Variants in MUC13 observed in about 807,000 individuals in gnomAD.
The protein encoded by MUC13 is mucin-13.
In MUC13, 32 loss-of-function variants were observed where a neutral mutation model predicts 48.3. The ratio of observed to expected loss-of-function variants is 0.66; its 90% CI spans 0.50 to 0.89. The LOEUF is 0.89. Among genes scored for constraint, MUC13 ranks in the 40% least tolerant of loss-of-function variants. The probability of loss-of-function intolerance (pLI) is 0.00; values close to 1 mark genes in which losing one functional copy is unlikely to be tolerated. For synonymous variants in MUC13, 199 were observed against 224.9 expected, an observed-to-expected ratio of 0.88 and a Z score of 1.03; for missense variants, 571 against 622.8, an observed-to-expected ratio of 0.92 and a Z score of 0.88.
chr3:124,926,184 T>C (rs1935684202), intron 2 of MUC13, among the ~76,000 whole-genome samples: 1 of 152,178 alleles, frequency 6.6e-6, no homozygotes, highest in South Asian at 2.1e-4. Flanking sequence ...ACAGACTCAT[T>C]AACTTGTTTC....
chr3:124,921,415 T>C (rs920175676), intron 4 of MUC13, among the ~76,000 whole-genome samples: 1 of 152,130 alleles, frequency 6.6e-6, no homozygotes, highest in Non-Finnish European at 1.5e-5. Flanking sequence ...CCTCCCAAAG[T>C]GCTAGGATTA....
At chr3:124,932,292 G>C (rs1052467400) in intron 1 of MUC13, among the ~76,000 whole-genome samples, 2 of 152,068 alleles carry the variant, frequency 1.3e-5, no homozygotes, top group African/African-American at 2.4e-5. Flanking sequence ...CAGGCTGGGC[G>C]TGGTGGCTCA....
chr3:124,912,083 T>C (rs755288202), intron 9 of MUC13, 21 bp downstream of exon 9: 2 of 1,610,792 alleles, frequency 1.2e-6, no homozygotes, highest in South Asian at 2.2e-5. Flanking sequence ...TTGTTTATAA[T>C]AGCAAGACTT....
chr3:124,913,606 T>A lies in MUC13; in HGVS notation c.1040A>T (p.Lys347Ile), dbSNP rs879662263. Residue 347 changes from lysine (K) to isoleucine (I), a missense_variant, in exon 7 of 12, where the codon AAA becomes ATA. Lys to Ile is a moderately radical substitution (Grantham distance 102). Transcript: ENST00000616727. ...DCLNGLACDC[K>I]SDLQRPNPQS... is the part of the protein sequence containing the mutation. ...TGGGTTAGGCCTTTGCAGGTCAGAT[T>A]TGCAATCGCATGCTAAACCATTGAG... 3.7e-6 allele frequency: 6 copies of A among 1,614,108 alleles called. No homozygotes were observed. Among genetic ancestry groups the A allele is most frequent in the African/African-American group, 1.3e-5 (1 of 74,928 alleles).
chr3:124,907,730 C>G lies in MUC13; in HGVS notation c.*417G>C, dbSNP rs372452553. 1.8e-4 allele frequency among the ~76,000 whole-genome samples: 27 copies of G among 151,962 alleles called. No homozygotes were observed. The East Asian group carries it at 2.7e-3, about 15-fold the overall frequency. ...GAAAGAGAGCGTTGCCTTTACACAG[C>G]CTGGTGAAAAGGATCCCACAGAACT... On this transcript the variant is annotated intron_variant, in intron 11 of 11. Transcript: ENST00000616727.
At chr3:124,922,326 C>T (rs758648122) in intron 3 of MUC13, 23 bp from the exon 4 acceptor site, 37 of 1,610,066 alleles carry the variant, frequency 2.3e-5, no homozygotes, top group Non-Finnish European at 2.9e-5. Context: ...CAGAATCTTT[C>T]TGTACTATTT....
intron 6 of MUC13, among the ~76,000 whole-genome samples, chr3:124,914,698 G>A (rs60916129): frequency 0.24 from 37,108 of 152,096 alleles, 4,627 homozygotes; most frequent in South Asian, 0.27. Flanking sequence ...AGGCCAAGGC[G>A]GGCAGATCAC....
At chr3:124,910,636 G>A in intron 9 of MUC13, 137 bp from the exon 10 acceptor site, 1 of 1,377,930 alleles carries the variant, frequency 7.3e-7, no homozygotes, top group Non-Finnish European at 9.7e-7. Context: ...AGGCCAGGTT[G>A]GGTAGTTGGC....
chr3:124,923,403 G>C, intron 3 of MUC13, 124 bp downstream of exon 3: 1 of 1,037,438 alleles, frequency 9.6e-7, no homozygotes, highest in South Asian at 1.6e-5. Context: ...GCTGGCCTTT[G>C]TTGCCTCTGC....
chr3:124,923,519 T>C lies in MUC13; in HGVS notation c.637+8A>G, dbSNP rs745538650. 8.1e-6 allele frequency: 13 copies of C among 1,612,814 alleles called. No individual in the cohort carries two copies. Among genetic ancestry groups the C allele is most frequent in the Non-Finnish European group, 1.1e-5 (13 of 1,179,616 alleles). On this transcript the variant is annotated splice_region_variant and intron_variant, in intron 3 of 11. Coordinates refer to ENST00000616727, the MANE Select transcript of MUC13 (RefSeq NM_033049.4). ...GAGCTCAGCCATGGCTCATCCCTTG[T>C]AACTCACCTTTCTTACATGTAGAAG...
At chr3:124,931,303 C>T (rs912513958) in intron 1 of MUC13, among the ~76,000 whole-genome samples, 10 of 151,830 alleles carry the variant, frequency 6.6e-5, no homozygotes, top group Admixed American at 2.0e-4. Flanking sequence ...TGGTGGCACA[C>T]GCCTGTAGTC....
intron 1 of MUC13, among the ~76,000 whole-genome samples, chr3:124,930,118 C>T (rs1005203511): frequency 6.6e-6 from 1 of 152,146 alleles, no homozygotes; most frequent in African/African-American, 2.4e-5. Context: ...CATTCTCGGC[C>T]GATGCCAAAG....
chr3:124,915,728 CA>C lies in MUC13; in HGVS notation c.964+588del, dbSNP rs1400418556. Among the ~76,000 whole-genome samples, 4 of 152,312 alleles carry C rather than the reference CA, an allele frequency of 2.6e-5. No individual in the cohort carries two copies. The East Asian group carries it at 5.8e-4, about 22-fold the overall frequency. On this transcript the variant is annotated intron_variant, in intron 6 of 11. Transcript: ENST00000616727. The stretch of plus-strand genomic sequence containing the variant: ...TAATGCTTGGTCTTGCTCTATTGCT[CA>C]GGCTGGAGTGTGGTGTCGTGATCTC...
At position 124,913,255 on chromosome 3, in the gene MUC13, G is replaced by T; in HGVS notation, c.1085-15C>A. ...GAGACTGGAAGCTTCAAAACAGAAT[G>T]ATTTCTGGGTAATTTTCAGAAACAA... On this transcript the variant is annotated splice_polypyrimidine_tract_variant and intron_variant, in intron 7 of 11. Coordinates refer to ENST00000616727, the MANE Select transcript of MUC13 (RefSeq NM_033049.4). 6.3e-7 allele frequency: 1 copy of T among 1,599,716 alleles called. No individual in the cohort carries two copies. The highest frequency in any genetic ancestry group is 8.5e-7 in the Non-Finnish European group (1 of 1,171,246).
chr3:124,910,915 G>C (rs1935410576), intron 9 of MUC13, among the ~76,000 whole-genome samples: 1 of 152,118 alleles, frequency 6.6e-6, no homozygotes, highest in South Asian at 2.1e-4. Context: ...CCAGCTAATG[G>C]CTTGATAATA....
intron 3 of MUC13, among the ~76,000 whole-genome samples, chr3:124,922,948 G>A (rs1028885225): frequency 1.3e-5 from 2 of 152,058 alleles, no homozygotes; most frequent in African/African-American, 4.8e-5. Flanking sequence ...CACTTACTTA[G>A]AGTAAATCCC....
At position 124,906,632 on chromosome 3, in the gene MUC13, C is replaced by T. The variant is rs1374216031; in HGVS notation, c.*111G>A. On this transcript the variant is annotated 3_prime_UTR_variant, in exon 12 of 12. Transcript: ENST00000616727. ...CAGATGTCAGATGGAAGAAAAACCCCGGAGGCCAGATCTTTACTGGTGCTC... is the reference window on the plus strand; with the variant it reads ...CAGATGTCAGATGGAAGAAAAACCCTGGAGGCCAGATCTTTACTGGTGCTC... 3 of 152,102 alleles carry T rather than the reference C, an allele frequency of 2.0e-5. No homozygotes were observed. Among genetic ancestry groups the T allele is most frequent in the Admixed American group, 6.5e-5 (1 of 15,272 alleles). 9.4% of individuals were successfully genotyped at this position (152,102 alleles called of 1,614,324 possible). A position where few individuals can be genotyped will look rare whatever the true frequency, so the allele number is the denominator to read the frequency against.
At position 124,913,193 on chromosome 3, in the gene MUC13, A is replaced by G; in HGVS notation, c.1132T>C (p.Cys378Arg). The change falls in exon 8 of 12, where the codon TGC becomes CGC. Residue 378 changes from cysteine (C) to arginine (R), a missense_variant. By Grantham distance (180) the Cys-to-Arg change is radical. Coordinates refer to ENST00000616727, the MANE Select transcript of MUC13 (RefSeq NM_033049.4). Reference protein sequence around the residue: ...PDACNAQHKQCLIKKSGGAPE... With the variant: ...PDACNAQHKQRLIKKSGGAPE... ...GCCCCACCACTCTTCTTTATTAAGC[A>G]TTGCTTGTGCTGTGCGTTGCAGGCA... 6.2e-7 allele frequency: 1 copy of G among 1,614,058 alleles called. No homozygotes were observed. The highest frequency in any genetic ancestry group is 8.5e-7 in the Non-Finnish European group (1 of 1,179,982).
intron 2 of MUC13, among the ~76,000 whole-genome samples, chr3:124,926,748 A>G (rs977738126): frequency 1.3e-5 from 2 of 152,220 alleles, no homozygotes; most frequent in African/African-American, 4.8e-5. Flanking sequence ...TTCACGAGTC[A>G]TATCTGACCA....
Sources: allele counts gnomAD v4.1 joint callset (sites outside exome capture counted in the v4.1 genomes callset), GRCh38; gene constraint gnomAD v4.1.1; transcripts MANE v1.5; gene names NCBI Gene and HGNC (gene_info 2026-07-23, HGNC 2026-07-21).